NEDD4L: variants seen among roughly 807,000 people sequenced by gnomAD.
NEDD4L encodes the protein E3 ubiquitin-protein ligase NEDD4-like.
Under a neutral mutation model 148.9 loss-of-function variants are expected in NEDD4L, and 54 were observed. That is an observed-to-expected ratio of 0.36 (90% CI 0.29 to 0.45). The LOEUF is 0.45. NEDD4L is among the 20% of genes least tolerant of loss of function. NEDD4L has a pLI of 1.00. For synonymous variants in NEDD4L, 433 were observed against 440.7 expected (o/e 0.98, Z 0.22); for missense variants, 856 against 1,233.8 (o/e 0.69, Z 4.59).
At position 58,397,267 on chromosome 18, in the gene NEDD4L, T is replaced by C. The variant is rs534004616; in HGVS notation, c.*998T>C. ...TCTCCTGTTTGTATGCGTTTGCTAA[T>C]GGTAGCTAAATAACCAGTTTTTGTT... On this transcript the variant is annotated 3_prime_UTR_variant, in exon 31 of 31. Transcript: ENST00000400345. The C allele has an allele frequency of 1.3e-5, 2 of 152,812 alleles. No individual in the cohort carries two copies. Among genetic ancestry groups the C allele is most frequent in the South Asian group, 4.1e-4 (2 of 4,828 alleles). 9.5% of individuals were successfully genotyped at this position (152,812 alleles called of 1,614,324 possible). A position where few individuals can be genotyped will look rare whatever the true frequency, so the allele number is the denominator to read the frequency against.
chr18:58,351,214 C>A, intron 18 of NEDD4L, 169 bp downstream of exon 18: 3 of 983,302 alleles, frequency 3.1e-6, no homozygotes, highest in Non-Finnish European at 3.6e-6. Context: ...TGTGCATTCA[C>A]CCCAAGTTTG....
chr18:58,202,766 A>G (rs995903800), intron 2 of NEDD4L, among the ~76,000 whole-genome samples: 1 of 152,102 alleles, frequency 6.6e-6, no homozygotes, highest in Non-Finnish European at 1.5e-5. Flanking sequence ...TTTGTCTCTG[A>G]TACTTCATAC....
At chr18:58,234,155 T>TTC (rs1393540290) in intron 2 of NEDD4L, among the ~76,000 whole-genome samples, 5 of 150,878 alleles carry the variant, frequency 3.3e-5, no homozygotes, top group African/African-American at 1.2e-4. Flanking sequence ...CTCTCTTTCT[T>TTC]TCTTCTTTTT....
chr18:58,288,708 T>C (rs2054271259), intron 5 of NEDD4L, among the ~76,000 whole-genome samples: 1 of 152,226 alleles, frequency 6.6e-6, no homozygotes, highest in Non-Finnish European at 1.5e-5. Context: ...GCCTTTTTTT[T>C]TCTTTGAGGT....
chr18:58,201,650 G>A (rs899893666), intron 2 of NEDD4L, among the ~76,000 whole-genome samples: 19 of 152,080 alleles, frequency 1.2e-4, no homozygotes, highest in African/African-American at 4.3e-4. Context: ...TTCTTATTAC[G>A]TTCGTGTATT....
intron 1 of NEDD4L, among the ~76,000 whole-genome samples, chr18:58,150,414 C>G (rs1285035975): frequency 1.3e-5 from 2 of 152,192 alleles, no homozygotes; most frequent in Admixed American, 1.3e-4. Context: ...TTAGTAGTTA[C>G]AGGGTTTCTC....
At chr18:58,165,444 G>A (rs1225524421) in intron 1 of NEDD4L, among the ~76,000 whole-genome samples, 1 of 152,178 alleles carries the variant, frequency 6.6e-6, no homozygotes, top group Non-Finnish European at 1.5e-5. Flanking sequence ...CAAACTTGTG[G>A]CACTTGGACA....
intron 9 of NEDD4L, among the ~76,000 whole-genome samples, chr18:58,327,466 C>G (rs1037995833): frequency 6.6e-6 from 1 of 152,184 alleles, no homozygotes; most frequent in African/African-American, 2.4e-5. Context: ...GCATAACTGC[C>G]CCATCAAGGA....
rs541722786 is a variant in NEDD4L at position 58,051,840 on chromosome 18, A to G, written c.48+7132A>G. 3.3e-5 allele frequency among the ~76,000 whole-genome samples: 5 copies of G among 152,344 alleles called. No individual in the cohort carries two copies. In the South Asian group the frequency reaches 6.2e-4, roughly 19 times the overall value. Reference sequence around the variant, plus strand: ...ATAATATATAAATAATATAATGGTAATAAGTATCAGGGCAGGAGGATTAAA... The same window carrying G: ...ATAATATATAAATAATATAATGGTAGTAAGTATCAGGGCAGGAGGATTAAA... On this transcript the variant is annotated intron_variant, in intron 1 of 30. Coordinates refer to ENST00000400345, the MANE Select transcript of NEDD4L (RefSeq NM_001144967.3).
chr18:58,100,269 C>G (rs202203991), intron 1 of NEDD4L, among the ~76,000 whole-genome samples: 2 of 152,048 alleles, frequency 1.3e-5, no homozygotes, highest in Non-Finnish European at 2.9e-5. Flanking sequence ...ACATCATGGC[C>G]GATTCTGAAA....
rs371509329 is a variant in NEDD4L at position 58,066,037 on chromosome 18, TATCTC to T, written c.48+21332_48+21336del. On this transcript the variant is annotated intron_variant, in intron 1 of 30. Coordinates refer to ENST00000400345, the MANE Select transcript of NEDD4L (RefSeq NM_001144967.3). Reference sequence around the variant, plus strand: ...AATCAGTCATACTCTTTAATATTCATATCTCATAGAGTTAGCATCAGGAAGGAAAC... The same window carrying T: ...AATCAGTCATACTCTTTAATATTCATATAGAGTTAGCATCAGGAAGGAAAC... Among the ~76,000 whole-genome samples the T allele has an allele frequency of 1.8e-4, 27 of 152,362 alleles. 1 individual carries two copies. The highest frequency in any genetic ancestry group is 6.5e-4 in the African/African-American group (27 of 41,588).
rs531380193 is a variant in NEDD4L at position 58,078,244 on chromosome 18, T to G, written c.48+33536T>G. On this transcript the variant is annotated intron_variant, in intron 1 of 30. Coordinates refer to ENST00000400345, the MANE Select transcript of NEDD4L (RefSeq NM_001144967.3). ...TTAAAATAAGCTGATTTCTAAAAGC[T>G]TGTTAGATGGTCAGTAATCTCAAAC... 2.0e-5 allele frequency among the ~76,000 whole-genome samples: 3 copies of G among 152,330 alleles called. No homozygotes were observed. In the South Asian group the frequency reaches 6.2e-4, roughly 32 times the overall value.
At chr18:58,074,100 G>C (rs947230133) in intron 1 of NEDD4L, among the ~76,000 whole-genome samples, 2 of 152,084 alleles carry the variant, frequency 1.3e-5, no homozygotes, top group Non-Finnish European at 2.9e-5. Context: ...CTCAATTCCT[G>C]AATGAGGAAG....
chr18:58,230,566 A>T (rs1179827854), intron 2 of NEDD4L, among the ~76,000 whole-genome samples: 1 of 152,150 alleles, frequency 6.6e-6, no homozygotes, highest in Non-Finnish European at 1.5e-5. Flanking sequence ...GTGGAAAATA[A>T]ATTCTGCATC....
intron 1 of NEDD4L, among the ~76,000 whole-genome samples, chr18:58,156,121 C>T (rs1442538767): frequency 6.6e-6 from 1 of 152,182 alleles, no homozygotes; most frequent in Admixed American, 6.5e-5. Context: ...ACCTCTTTTA[C>T]TTTCTTATGT....
intron 22 of NEDD4L, among the ~76,000 whole-genome samples, chr18:58,369,993 A>T (rs2046639010): frequency 6.6e-6 from 1 of 152,086 alleles, no homozygotes; most frequent in Non-Finnish European, 1.5e-5. Flanking sequence ...CCAGCACCCC[A>T]TGTGGGCTCT....
chr18:58,228,148 G>A (rs573494339), intron 2 of NEDD4L, among the ~76,000 whole-genome samples: 1 of 152,320 alleles, frequency 6.6e-6, no homozygotes, highest in African/African-American at 2.4e-5. Context: ...AGCAACCTTT[G>A]TTGCAGACCC....
At chr18:58,170,329 C>T (rs1015878742) in intron 2 of NEDD4L, among the ~76,000 whole-genome samples, 1 of 149,984 alleles carries the variant, frequency 6.7e-6, no homozygotes, top group Admixed American at 6.6e-5. Context: ...CAGAACACTG[C>T]TGCCCGCCTC....
chr18:58,257,670 G>A (rs1259391269), intron 5 of NEDD4L, among the ~76,000 whole-genome samples: 1 of 152,154 alleles, frequency 6.6e-6, no homozygotes, highest in Non-Finnish European at 1.5e-5. Flanking sequence ...CCCTTTCAGT[G>A]AAATGGAGTA....
Sources: gnomAD v4.1 joint callset for allele counts (sites outside exome capture counted in the v4.1 genomes callset) on GRCh38, gnomAD v4.1.1 for gene constraint, MANE v1.5 for transcripts, NCBI Gene and HGNC (gene_info 2026-07-23, HGNC 2026-07-21) for gene names.